Variants in MPDZ observed in about 807,000 individuals in gnomAD.
The protein encoded by MPDZ is multiple PDZ domain crumbs cell polarity complex component, also known as multiple PDZ domain protein.
Under a neutral mutation model 239.1 loss-of-function variants are expected in MPDZ, and 234 were observed. That is an observed-to-expected ratio of 0.98 (90% CI 0.88 to 1.09). The LOEUF (loss-of-function observed/expected upper bound fraction) is 1.09, where lower values mean the gene tolerates loss of function less well. Ranked by LOEUF, MPDZ falls within the 50% of genes least tolerant of loss-of-function variation. The pLI, the probability that MPDZ is intolerant of heterozygous loss-of-function variation, is 0.00. For missense variants in MPDZ, 3,175 were observed against 2,510.0 expected, an observed-to-expected ratio of 1.26 and a Z score of -5.66; for synonymous variants, 1,048 against 881.3, an observed-to-expected ratio of 1.19 and a Z score of -3.35.
At chr9:13,154,994 G>A (rs1348096741) in intron 24 of MPDZ, among the ~76,000 whole-genome samples, 1 of 152,122 alleles carries the variant, frequency 6.6e-6, no homozygotes, top group Non-Finnish European at 1.5e-5. Context: ...CAAGGCAGGT[G>A]GATCATGAGG....
At position 13,235,274 on chromosome 9, in the gene MPDZ, C is replaced by A. The variant is rs138560545; in HGVS notation, c.184-10691G>T. On this transcript the variant is annotated intron_variant, in intron 3 of 46. Transcript: ENST00000319217. ...CATAAGGTAGCTCCTAGCTCCTGAA[C>A]TAAATGAGACACAAAATGGAGCAAT... is the stretch of plus-strand genomic sequence containing the variant. Among the ~76,000 whole-genome samples, 399 of 152,196 alleles carry A rather than the reference C, an allele frequency of 2.6e-3. 3 individuals carry two copies. Among genetic ancestry groups the A allele is most frequent in the African/African-American group, 9.3e-3 (386 of 41,540 alleles).
chr9:13,121,833 C>T lies in MPDZ; in HGVS notation c.5137G>A (p.Ala1713Thr). 1.2e-6 allele frequency: 2 copies of T among 1,613,946 alleles called. No homozygotes were observed. The highest frequency in any genetic ancestry group is 2.2e-5 in the South Asian group (2 of 91,076). ...CACACTTCCTCCTCTTTGTATGGGG[C>T]CTCATCTCTGTAGAGTGTCAGGCGC... ...RVRLTLYRDE[A>T]PYKEEEVCDT... Residue 1713 changes from alanine (A) to threonine (T), a missense_variant, in exon 38 of 47, where the codon GCC becomes ACC. By Grantham distance (58) the Ala-to-Thr change is moderately conservative. Coordinates refer to ENST00000319217, the MANE Select transcript of MPDZ (RefSeq NM_001378778.1).
At chr9:13,226,065 G>T (rs930107208) in intron 3 of MPDZ, among the ~76,000 whole-genome samples, 1 of 152,010 alleles carries the variant, frequency 6.6e-6, no homozygotes, top group Non-Finnish European at 1.5e-5. Context: ...TCATAAGTGA[G>T]GGTGGTTTTG....
At chr9:13,141,493 T>C (rs1399044066) in intron 27 of MPDZ, among the ~76,000 whole-genome samples, 1 of 152,170 alleles carries the variant, frequency 6.6e-6, no homozygotes, top group Non-Finnish European at 1.5e-5. Flanking sequence ...CCTGATACCT[T>C]GAACCTATAG....
chr9:13,192,127 A>T lies in MPDZ; in HGVS notation c.1968+4T>A. ...GGTTAGCCTCATGTATGCAAATCTG[A>T]TACCTTTTCTGTTAGCTCAATATCA... is the stretch of plus-strand genomic sequence containing the variant. On this transcript the variant is annotated splice_donor_region_variant and intron_variant, in intron 15 of 46. Coordinates refer to ENST00000319217, the MANE Select transcript of MPDZ (RefSeq NM_001378778.1). The T allele has an allele frequency of 6.3e-7, 1 of 1,588,746 alleles. No homozygotes were observed. Among genetic ancestry groups the T allele is most frequent in the Non-Finnish European group, 8.6e-7 (1 of 1,166,424 alleles).
chr9:13,185,447 G>A (rs753169725), intron 18 of MPDZ, among the ~76,000 whole-genome samples: 3 of 151,980 alleles, frequency 2.0e-5, no homozygotes, highest in Non-Finnish European at 4.4e-5. Flanking sequence ...ACTCAAACAA[G>A]TATTTAAAAA....
intron 39 of MPDZ, among the ~76,000 whole-genome samples, chr9:13,118,185 T>G (rs541750817): frequency 2.8e-4 from 43 of 152,310 alleles, no homozygotes; most frequent in Admixed American, 2.5e-3. Context: ...TTATTTACAT[T>G]GTTTTATGGA....
At chr9:13,252,759 G>A (rs1029066671) in intron 1 of MPDZ, among the ~76,000 whole-genome samples, 5 of 152,048 alleles carry the variant, frequency 3.3e-5, no homozygotes, top group Non-Finnish European at 7.4e-5. Context: ...TGAGGCAGGA[G>A]AATTGCCTGA....
At chr9:13,126,145 T>C (rs895901851) in intron 34 of MPDZ, among the ~76,000 whole-genome samples, 8 of 152,316 alleles carry the variant, frequency 5.3e-5, no homozygotes, top group African/African-American at 1.2e-4. Context: ...TATTTAATGG[T>C]TGAGTCTTAC....
chr9:13,130,701 C>A (rs969001697), intron 32 of MPDZ, among the ~76,000 whole-genome samples: 2 of 152,130 alleles, frequency 1.3e-5, no homozygotes, highest in African/African-American at 4.8e-5. Context: ...TAAGTTGGAT[C>A]TTTAGTGTAT....
In MPDZ at chr9:13,217,266, T is replaced by A; in HGVS notation, c.1115A>T (p.Glu372Val). The stretch of plus-strand genomic sequence containing the variant: ...GAGTTCTACATCAAATGTCTCACTT[T>A]CTTCACCTTTCTGAGTAGAAGCATC... The part of the protein sequence containing the change: ...RVDASTQKGE[E>V]SETFDVELTK... The change falls in exon 9 of 47, where the codon GAA (glutamate) becomes GTA (valine). Residue 372 changes from glutamate to valine, a missense_variant. Glu to Val is a moderately radical substitution (Grantham distance 121, BLOSUM62 -2). Coordinates refer to ENST00000319217, the MANE Select transcript of MPDZ (RefSeq NM_001378778.1). 6.3e-7 allele frequency: 1 copy of A among 1,599,530 alleles called. No individual in the cohort carries two copies. The highest frequency in any genetic ancestry group is 8.5e-7 in the Non-Finnish European group (1 of 1,171,790).
In MPDZ at chr9:13,121,871, G is replaced by A. The variant is rs767824457; in HGVS notation, c.5099C>T (p.Thr1700Met). The change falls in exon 38 of 47, where the codon ACG becomes ATG. Residue 1700 changes from threonine to methionine, a missense_variant. Thr to Met is a moderately conservative substitution (Grantham distance 81). Transcript: ENST00000319217. ...GAGTGTCAGGCGCACTCTCTGTGGC[G>A]TCTGTCTCAGGACATTGATTGCTTC... Reference protein sequence around the residue: ...HDEAINVLRQTPQRVRLTLYR... With the variant: ...HDEAINVLRQMPQRVRLTLYR... 5.2e-5 allele frequency: 84 copies of A among 1,613,748 alleles called. No individual in the cohort carries two copies. Among genetic ancestry groups the A allele is most frequent in the East Asian group, 6.7e-5 (3 of 44,882 alleles).
intron 10 of MPDZ, among the ~76,000 whole-genome samples, chr9:13,207,918 AAAC>A (rs1957176068): frequency 2.0e-5 from 3 of 152,344 alleles, no homozygotes; most frequent in Non-Finnish European, 4.4e-5. Context: ...ATCACAGTAA[AAAC>A]AATTTGAAAA....
intron 24 of MPDZ, among the ~76,000 whole-genome samples, chr9:13,152,917 T>G (rs1033863770): frequency 6.6e-6 from 1 of 152,110 alleles, no homozygotes; most frequent in Non-Finnish European, 1.5e-5. Context: ...TGATTTGCAG[T>G]GAGGTCTTTG....
At chr9:13,234,807 G>C (rs1007825921) in intron 3 of MPDZ, among the ~76,000 whole-genome samples, 1 of 65,804 alleles carries the variant, frequency 1.5e-5, no homozygotes, top group South Asian at 7.5e-4. Flanking sequence ...GCACCTCTTA[G>C]AAATGCAGAA....
chr9:13,119,824 G>T, intron 38 of MPDZ, 175 bp from the exon 39 acceptor site: 1 of 668,818 alleles, frequency 1.5e-6, no homozygotes, highest in Non-Finnish European at 2.5e-6. Flanking sequence ...ATAAATAACA[G>T]CTTATGTCTT....
rs76751190 is a variant in MPDZ, at chr9:13,124,066, G to C, written c.4808-768C>G. ...GCATACAGCAAATAGCATGTTTTGG[G>C]AAAGCTAGGACACTTGGTATAGTAG... is the stretch of plus-strand genomic sequence containing the variant. On this transcript the variant is annotated intron_variant, in intron 35 of 46. Coordinates refer to ENST00000319217, the MANE Select transcript of MPDZ (RefSeq NM_001378778.1). Among the ~76,000 whole-genome samples, 819 of 152,298 alleles carry C rather than the reference G, an allele frequency of 5.4e-3. 49 individuals are homozygous for C. The East Asian group carries it at 0.14, about 26-fold the overall frequency.
At chr9:13,276,105 T>G (rs978345234) in intron 1 of MPDZ, among the ~76,000 whole-genome samples, 9 of 152,202 alleles carry the variant, frequency 5.9e-5, no homozygotes, top group Non-Finnish European at 1.3e-4. Flanking sequence ...TTCCTCCAAC[T>G]AAGACCCTAC....
chr9:13,176,906 T>C (rs1052472610), intron 19 of MPDZ, among the ~76,000 whole-genome samples: 1 of 152,276 alleles, frequency 6.6e-6, no homozygotes, highest in South Asian at 2.1e-4. Context: ...GATAGGCATT[T>C]ATAAGTATTT....
Sources: gnomAD v4.1 joint callset for allele counts (sites outside exome capture counted in the v4.1 genomes callset) on GRCh38, gnomAD v4.1.1 for gene constraint, MANE v1.5 for transcripts, NCBI Gene and HGNC (gene_info 2026-07-23, HGNC 2026-07-21) for gene names.